Variants in RAD50 observed in about 807,000 individuals in gnomAD.
RAD50 encodes DNA repair protein RAD50.
A neutral mutation model predicts 168.8 loss-of-function variants in RAD50; 132 were observed. That is an observed-to-expected ratio of 0.78 (90% CI 0.68 to 0.90). The LOEUF is 0.90. Among genes scored for constraint, RAD50 ranks in the 40% least tolerant of loss-of-function variants. RAD50 has a pLI of 0.00. For synonymous variants in RAD50, 525 were observed against 497.4 expected (o/e 1.06, Z -0.74); for missense variants, 1,347 against 1,534.4 (o/e 0.88, Z 2.04).
In RAD50 at chr5:132,639,096, C is replaced by G. The variant is rs576767027; in HGVS notation, c.3618+873C>G. 5.3e-5 allele frequency among the ~76,000 whole-genome samples: 8 copies of G among 152,234 alleles called. No homozygotes were observed. In the South Asian group the frequency reaches 1.7e-3, roughly 32 times the overall value. ...ATGCAGCTGGGCATGGTGTCTCACACCTGTAATCGCAGCACTTTGGAAGGC... is the reference window on the plus strand; with the variant it reads ...ATGCAGCTGGGCATGGTGTCTCACAGCTGTAATCGCAGCACTTTGGAAGGC... On this transcript the variant is annotated intron_variant, in intron 23 of 24. Coordinates refer to ENST00000378823, the MANE Select transcript of RAD50 (RefSeq NM_005732.4).
At position 132,642,404 on chromosome 5, in the gene RAD50, C is replaced by T. The variant is rs1357865711; in HGVS notation, c.*40C>T. On this transcript the variant is annotated 3_prime_UTR_variant, in exon 25 of 25. Coordinates refer to ENST00000378823, the MANE Select transcript of RAD50 (RefSeq NM_005732.4). ...TAAATGCCATAGAAATGTAGGTCCT[C>T]AGAAAGTGTATAATAAGAAACTTAT... 5 of 1,540,916 alleles carry T rather than the reference C, an allele frequency of 3.2e-6. No individual in the cohort carries two copies. In the South Asian group the frequency reaches 5.7e-5, roughly 17 times the overall value.
At chr5:132,561,393 A>G (rs1750121234) in intron 2 of RAD50, among the ~76,000 whole-genome samples, 1 of 151,956 alleles carries the variant, frequency 6.6e-6, no homozygotes, top group Non-Finnish European at 1.5e-5. Flanking sequence ...GGGTTTCATC[A>G]TGTTGGCCAG....
At chr5:132,578,607 C>T (rs1334764733) in intron 3 of RAD50, among the ~76,000 whole-genome samples, 2 of 141,836 alleles carry the variant, frequency 1.4e-5, no homozygotes, top group Admixed American at 7.2e-5. Flanking sequence ...TCTCAGCTCA[C>T]TGCAACCTCA....
intron 21 of RAD50, among the ~76,000 whole-genome samples, chr5:132,626,117 G>A (rs938609236): frequency 5.9e-5 from 9 of 151,910 alleles, no homozygotes; most frequent in East Asian, 5.8e-4. Flanking sequence ...TGATCCACCC[G>A]CCTCAGCCTC....
chr5:132,577,888 C>T (rs529977639), intron 3 of RAD50, among the ~76,000 whole-genome samples: 1 of 143,092 alleles, frequency 7.0e-6, no homozygotes, highest in African/African-American at 2.6e-5. Flanking sequence ...AATCTCAGCT[C>T]ACTGCAACCT....
chr5:132,626,741 ACT>A (rs967156544), intron 21 of RAD50, among the ~76,000 whole-genome samples: 6 of 146,034 alleles, frequency 4.1e-5, no homozygotes, highest in African/African-American at 1.5e-4. Flanking sequence ...ATTGTATCTA[ACT>A]CTGTTTTAAA....
rs2149847058 is a variant in RAD50 at position 132,603,482 on chromosome 5, G to A, written c.2390G>A (p.Arg797Lys). 3 of 1,613,664 alleles carry A rather than the reference G, an allele frequency of 1.9e-6. No individual in the cohort carries two copies. The highest frequency in any genetic ancestry group is 1.7e-6 in the Non-Finnish European group (2 of 1,179,684). Reference sequence around the variant, plus strand: ...CTGACAGATGTTACAATTATGGAGAGGTTCCAGGTAAGTTTATTGTAGTTT... The same window carrying A: ...CTGACAGATGTTACAATTATGGAGAAGTTCCAGGTAAGTTTATTGTAGTTT... ...VCLTDVTIME[R>K]FQMELKDVER... is the part of the protein sequence containing the mutation. The change falls in exon 14 of 25, where the codon AGG becomes AAG. Residue 797 changes from arginine (R) to lysine (K), a missense_variant. Physicochemically the swap from Arg to Lys is conservative, Grantham distance 26. Transcript: ENST00000378823.
At chr5:132,639,583 T>G (rs1751672986) in intron 23 of RAD50, among the ~76,000 whole-genome samples, 2 of 152,230 alleles carry the variant, frequency 1.3e-5, no homozygotes, top group African/African-American at 4.8e-5. Flanking sequence ...TTAAAAATAC[T>G]TTCAAAAATA....
At chr5:132,585,781 G>A (rs751684542) in intron 5 of RAD50, among the ~76,000 whole-genome samples, 1 of 151,622 alleles carries the variant, frequency 6.6e-6, no homozygotes, top group Non-Finnish European at 1.5e-5. Flanking sequence ...ACTTGTAGAG[G>A]CAAGGTCTCA....
intron 24 of RAD50, chr5:132,641,866 CTCAATAAAATA>C: frequency 3.2e-6 from 1 of 315,802 alleles, no homozygotes; most frequent in East Asian, 5.9e-5. Flanking sequence ...TTAAGGAAAA[CTCAATAAAATA>C]TTTATACCTG....
intron 2 of RAD50, among the ~76,000 whole-genome samples, chr5:132,575,421 A>G (rs1163893979): frequency 1.3e-5 from 2 of 152,206 alleles, no homozygotes; most frequent in Non-Finnish European, 2.9e-5. Context: ...GAAATTCAAG[A>G]TGAGATTTGG....
chr5:132,566,620 A>T (rs1335519078), intron 2 of RAD50, among the ~76,000 whole-genome samples: 1 of 152,144 alleles, frequency 6.6e-6, no homozygotes, highest in Non-Finnish European at 1.5e-5. Context: ...GTCTTGTCTC[A>T]GTTCACTCTG....
chr5:132,629,757 G>A (rs1309922517), intron 21 of RAD50, among the ~76,000 whole-genome samples: 1 of 152,116 alleles, frequency 6.6e-6, no homozygotes, highest in Non-Finnish European at 1.5e-5. Flanking sequence ...GTCTATTTAA[G>A]GTAACACAGG....
At chr5:132,634,328 A>G (rs376760813) in intron 21 of RAD50, among the ~76,000 whole-genome samples, 19 of 151,726 alleles carry the variant, frequency 1.3e-4, no homozygotes, top group African/African-American at 4.6e-4. Context: ...TTTTATCGCC[A>G]CTGTGAATAG....
chr5:132,628,672 C>T (rs186455347), intron 21 of RAD50, among the ~76,000 whole-genome samples: 1 of 152,068 alleles, frequency 6.6e-6, no homozygotes, highest in Non-Finnish European at 1.5e-5. Flanking sequence ...ATGGGGAAAC[C>T]ACGTCTCTAC....
chr5:132,579,496 C>G lies in RAD50; in HGVS notation c.545C>G (p.Ala182Gly), dbSNP rs763822670. 1 of 1,611,902 alleles carries G rather than the reference C, an allele frequency of 6.2e-7. No individual in the cohort carries two copies. Among genetic ancestry groups the G allele is most frequent in the Non-Finnish European group, 8.5e-7 (1 of 1,178,586 alleles). Residue 182 changes from alanine (A) to glycine (G), a missense_variant, in exon 4 of 25, where the codon GCA becomes GGA. Around this residue, in one of 3 missense-constraint regions of RAD50, gnomAD observed 703 missense variants for 767.7 expected, o/e 0.92. Transcript: ENST00000378823. ...LKQKFDEIFS[A>G]TRYIKALETL... ...CAAAAGTTTGATGAGATTTTTTCAG[C>G]AACAAGGTTTGTAACCCTTAAATAG...
intron 23 of RAD50, among the ~76,000 whole-genome samples, chr5:132,639,709 T>TAACA (rs989604419): frequency 6.6e-6 from 1 of 152,196 alleles, no homozygotes; most frequent in African/African-American, 2.4e-5. Context: ...CCAGCCTACC[T>TAACA]AACACTGGCT....
At position 132,604,033 on chromosome 5, in the gene RAD50, C is replaced by T; in HGVS notation, c.2511C>T (p.His837=). Residue 837 remains histidine, a synonymous_variant, in exon 15 of 25, where the codon CAC becomes CAT. Transcript: ENST00000378823. ...QVNQEKQEKQ[H]KLDTVSSKIE... ...ACCAGGAGAAACAAGAGAAACAGCA[C>T]AAGTTAGACACAGGTAATACAGTCT... 1 of 1,613,590 alleles carries T rather than the reference C, an allele frequency of 6.2e-7. No individual in the cohort carries two copies. The highest frequency in any genetic ancestry group is 8.5e-7 in the Non-Finnish European group (1 of 1,179,652).
At position 132,592,961 on chromosome 5, in the gene RAD50, T is replaced by G. The variant is rs1370413940; in HGVS notation, c.1793+927T>G. The stretch of plus-strand genomic sequence containing the variant: ...GTCAGAATTGTGTAACCTGAATCAA[T>G]TGAGGTGTCTATGGTGTTGGCTATT... On this transcript the variant is annotated intron_variant, in intron 11 of 24. Transcript: ENST00000378823. The G allele has an allele frequency of 6.5e-6, 3 of 460,872 alleles. No individual in the cohort carries two copies. In the Admixed American group the frequency reaches 7.1e-5, roughly 11 times the overall value. The allele number at this position is 460,872 out of a possible 1,614,324, so 28.5% of individuals were successfully genotyped here. A position where few individuals can be genotyped will look rare whatever the true frequency, so the allele number is the denominator to read the frequency against.
Sources: allele counts gnomAD v4.1 joint callset (sites outside exome capture counted in the v4.1 genomes callset), GRCh38; gene constraint gnomAD v4.1.1; regional missense constraint gnomAD v4.1.1; transcripts MANE v1.5; gene names NCBI Gene and HGNC (gene_info 2026-07-23, HGNC 2026-07-21).